The following TMCC3 variants were observed in gnomAD, a reference collection of about 807,000 sequenced individuals.
TMCC3 encodes the protein transmembrane and coiled-coil domain protein 3.
Under a neutral mutation model 40.2 loss-of-function variants are expected in TMCC3, and 28 were observed. The ratio of observed to expected loss-of-function variants is 0.70; its 90% CI spans 0.52 to 0.95. The LOEUF (loss-of-function observed/expected upper bound fraction) is 0.95. Among genes scored for constraint, TMCC3 ranks in the 40% least tolerant of loss-of-function variants. The pLI is 0.00. For synonymous variants in TMCC3, 255 were observed against 248.5 expected (o/e 1.03, Z -0.25); for missense variants, 554 against 615.2 (o/e 0.90, Z 1.05).
intron 1 of TMCC3, among the ~76,000 whole-genome samples, chr12:94,620,127 C>T (rs1169947715): frequency 3.3e-5 from 5 of 151,732 alleles, no homozygotes; most frequent in African/African-American, 1.2e-4. Context: ...AGTGCCATTG[C>T]ACTCCAGCCT....
Position 94,632,580 on chromosome 12 carries a change from C to T in TMCC3, c.78+17773G>A, listed in dbSNP as rs144766167. ...GCAGTGATTACAGTACTTGAGAAAG[C>T]TCTTTAAGAATGGATGTCAAAGTTG... On this transcript the variant is annotated intron_variant, in intron 1 of 3. Transcript: ENST00000261226. Among the ~76,000 whole-genome samples the T allele has an allele frequency of 8.2e-4, 125 of 152,278 alleles. 2 individuals are homozygous for T. In the East Asian group the frequency reaches 0.022, roughly 27 times the overall value.
chr12:94,596,377 C>T (rs2068715326), intron 1 of TMCC3, among the ~76,000 whole-genome samples: 1 of 152,168 alleles, frequency 6.6e-6, no homozygotes, highest in Admixed American at 6.5e-5. Context: ...GTGTGACGAG[C>T]CAGTCACACC....
In TMCC3 at chr12:94,650,472, C is replaced by A; in HGVS notation, c.-42G>T. On this transcript the variant is annotated 5_prime_UTR_variant, in exon 1 of 4. Transcript: ENST00000261226. ...CGAACTTTCCCGTCTTCTGGGGCTG[C>A]CGCGCCGCGAGCCACCGGCTGTGCT... 8.1e-7 allele frequency: 1 copy of A among 1,239,086 alleles called. No homozygotes were observed. Among genetic ancestry groups the A allele is most frequent in the Non-Finnish European group, 1.0e-6 (1 of 986,950 alleles). The allele number at this position is 1,239,086 out of a possible 1,614,324, so 76.8% of individuals were successfully genotyped here.
chr12:94,639,778 A>AAG (rs2068979717), intron 1 of TMCC3, among the ~76,000 whole-genome samples: 1 of 151,142 alleles, frequency 6.6e-6, no homozygotes, highest in African/African-American at 2.4e-5. Context: ...AAAAAAAAAA[A>AAG]AAGAAGAAGA....
chr12:94,580,622 C>G (rs1484571657), intron 2 of TMCC3, among the ~76,000 whole-genome samples: 1 of 152,092 alleles, frequency 6.6e-6, no homozygotes, highest in African/African-American at 2.4e-5. Context: ...ATAATCCCAG[C>G]TACTCGGGAG....
chr12:94,623,365 C>A (rs2068886048), intron 1 of TMCC3, among the ~76,000 whole-genome samples: 3 of 152,160 alleles, frequency 2.0e-5, no homozygotes, highest in Admixed American at 2.0e-4. Flanking sequence ...TGAGGCAATG[C>A]CACCTCTGTT....
Position 94,582,532 on chromosome 12 carries a change from G to C in TMCC3, c.85C>G (p.Arg29Gly), listed in dbSNP as rs145851410. The change falls in exon 2 of 4, where the codon CGT (arginine) becomes GGT (glycine). Residue 29 changes from arginine (R) to glycine (G), a missense_variant. Arg to Gly is a moderately radical substitution (Grantham distance 125). Coordinates refer to ENST00000261226, the MANE Select transcript of TMCC3 (RefSeq NM_020698.4). Reference sequence around the variant, plus strand: ...AGGCTTAAGGTATTCATGTCATGACGTTCTACCTGAAAGAGACAGGAAAGA... The same window carrying C: ...AGGCTTAAGGTATTCATGTCATGACCTTCTACCTGAAAGAGACAGGAAAGA... ...RHHRCKSRVERHDMNTLSLPL... is the reference protein window; with the variant it reads ...RHHRCKSRVEGHDMNTLSLPL... The C allele has an allele frequency of 6.3e-7, 1 of 1,593,072 alleles. No homozygotes were observed. The highest frequency in any genetic ancestry group is 1.1e-5 in the South Asian group (1 of 87,552).
rs1467855760 is a variant in TMCC3 at position 94,578,165 on chromosome 12, A to AAAAAAAAAAAAG, written c.1131+228_1131+229insCTTTTTTTTTTT. Among the ~76,000 whole-genome samples the AAAAAAAAAAAAG allele has an allele frequency of 8.8e-3, 1,085 of 123,062 alleles. 62 individuals carry two copies. The highest frequency in any genetic ancestry group is 0.031 in the African/African-American group (921 of 29,264). The allele number at this position is 123,062 out of a possible 152,430, so 80.7% of individuals were successfully genotyped here. On this transcript the variant is annotated intron_variant, in intron 3 of 3. Transcript: ENST00000261226. ...TCACCTCAAAAAAAAAAAAAAAAAA[A>AAAAAAAAAAAAG]AAAGAAAAAGAAAAAGAAAAAAAAA...
chr12:94,572,562 T>C (rs6538510), intron 3 of TMCC3, among the ~76,000 whole-genome samples: 85,059 of 150,988 alleles, frequency 0.56, 24,008 homozygotes, highest in African/African-American at 0.62. Flanking sequence ...CTGCCTGCCA[T>C]GGCCTCCCAC....
At chr12:94,647,853 A>T (rs546414392) in intron 1 of TMCC3, among the ~76,000 whole-genome samples, 1 of 152,344 alleles carries the variant, frequency 6.6e-6, no homozygotes, top group South Asian at 2.1e-4. Context: ...CTCAGGACAG[A>T]CTTGAAATTA....
intron 1 of TMCC3, among the ~76,000 whole-genome samples, chr12:94,605,723 A>T (rs765150756): frequency 3.3e-5 from 5 of 152,240 alleles, no homozygotes; most frequent in Non-Finnish European, 5.9e-5. Flanking sequence ...TAGATAAAGA[A>T]GAGCAAAGTT....
At position 94,582,136 on chromosome 12, in the gene TMCC3, T is replaced by G; in HGVS notation, c.481A>C (p.Lys161Gln). 6.2e-7 allele frequency: 1 copy of G among 1,614,174 alleles called. No homozygotes were observed. The highest frequency in any genetic ancestry group is 8.5e-7 in the Non-Finnish European group (1 of 1,180,034). The part of the protein sequence containing the change: ...SSKDISKDHL[K>Q]DIHRSLKDAH... ...TCTTTCAAAGAGCGATGTATATCCT[T>G]CAGGTGGTCTTTGGAAATGTCCTTT... Residue 161 changes from lysine to glutamine, a missense_variant, in exon 2 of 4, where the codon AAG becomes CAG. Transcript: ENST00000261226.
At chr12:94,645,920 T>G (rs117339474) in intron 1 of TMCC3, among the ~76,000 whole-genome samples, 108 of 152,290 alleles carry the variant, frequency 7.1e-4, no homozygotes, top group Non-Finnish European at 1.2e-3. Flanking sequence ...TGATTTCTTA[T>G]TGTGCACCCG....
At chr12:94,585,890 A>G (rs2068635654) in intron 1 of TMCC3, among the ~76,000 whole-genome samples, 1 of 152,146 alleles carries the variant, frequency 6.6e-6, no homozygotes, top group Non-Finnish European at 1.5e-5. Context: ...GGGAGGCATG[A>G]TGTCATAGCT....
chr12:94,581,909 G>C lies in TMCC3; in HGVS notation c.708C>G (p.Ala236=). 6.2e-7 allele frequency: 1 copy of C among 1,614,222 alleles called. No individual in the cohort carries two copies. Among genetic ancestry groups the C allele is most frequent in the Non-Finnish European group, 8.5e-7 (1 of 1,180,038 alleles). Residue 236 remains alanine (A), a synonymous_variant, in exon 2 of 4, where the codon GCC becomes GCG. Coordinates refer to ENST00000261226, the MANE Select transcript of TMCC3 (RefSeq NM_020698.4). ...TGGTAGCGCTGCCCCCGTAGGCCCT[G>C]GCACTCGCCTCTGGCCTAAACTCCT... ...SLEEFRPEAS[A]RAYGGSATIV... is the part of the protein sequence containing the mutation.
At chr12:94,639,542 T>TA (rs1280558991) in intron 1 of TMCC3, among the ~76,000 whole-genome samples, 1 of 151,998 alleles carries the variant, frequency 6.6e-6, no homozygotes, top group African/African-American at 2.4e-5. Context: ...ACTGCACCAC[T>TA]ACACTCCAGC....
chr12:94,591,492 C>T (rs2068675338), intron 1 of TMCC3, among the ~76,000 whole-genome samples: 2 of 151,588 alleles, frequency 1.3e-5, no homozygotes, highest in African/African-American at 4.8e-5. Flanking sequence ...GATGCAGTGG[C>T]TCACACCTGT....
rs960707408 is a variant in TMCC3, at chr12:94,606,277, T to TA, written c.79-23740dup. 2.0e-5 allele frequency among the ~76,000 whole-genome samples: 3 copies of TA among 152,266 alleles called. No individual in the cohort carries two copies. The East Asian group carries it at 5.8e-4, about 29-fold the overall frequency. ...AAACATGAATTTTATGCTCAAAGGG[T>TA]AAAATGCCCAAGAGGCTTTACTCAT... On this transcript the variant is annotated intron_variant, in intron 1 of 3. Transcript: ENST00000261226.
intron 1 of TMCC3, among the ~76,000 whole-genome samples, chr12:94,610,334 C>G: frequency 6.6e-6 from 1 of 152,016 alleles, no homozygotes; most frequent in East Asian, 1.9e-4. Flanking sequence ...ATCTCCTTCA[C>G]CATCATGATC....
Sources: gnomAD v4.1 joint callset for allele counts (sites outside exome capture counted in the v4.1 genomes callset) on GRCh38, gnomAD v4.1.1 for gene constraint, MANE v1.5 for transcripts, NCBI Gene and HGNC (gene_info 2026-07-23, HGNC 2026-07-21) for gene names.